The following RASSF9 variants were observed in gnomAD, a reference collection of about 807,000 sequenced individuals.
RASSF9 encodes the protein Ras association domain family member 9.
Under a neutral mutation model 21.4 loss-of-function variants are expected in RASSF9, and 18 were observed. The ratio of observed to expected loss-of-function variants is 0.84; its 90% confidence interval spans 0.58 to 1.25. RASSF9 has a LOEUF of 1.25. Ranked by LOEUF, RASSF9 falls within the 50% of genes most tolerant of loss-of-function variation. The probability of loss-of-function intolerance (pLI) is 0.00; values close to 1 mark genes in which losing one functional copy is unlikely to be tolerated. For synonymous variants in RASSF9, 183 were observed against 179.1 expected (o/e 1.02, Z -0.18); for missense variants, 480 against 503.2 (o/e 0.95, Z 0.44).
rs1157479284 is a variant in RASSF9, at chr12:85,830,775, A to G, written c.47+5380T>C. 2.6e-5 allele frequency among the ~76,000 whole-genome samples: 4 copies of G among 152,114 alleles called. No individual in the cohort carries two copies. The East Asian group carries it at 7.7e-4, about 29-fold the overall frequency. ...ACTTGCATAAATACTTTGTACTTGT[A>G]TGATCATTTATATTAGTAATCACTT... On this transcript the variant is annotated intron_variant, in intron 1 of 1. Transcript: ENST00000361228.
At chr12:85,826,835 G>A (rs1880345437) in intron 1 of RASSF9, among the ~76,000 whole-genome samples, 1 of 151,908 alleles carries the variant, frequency 6.6e-6, no homozygotes, top group East Asian at 1.9e-4. Context: ...GCCCTTCAAT[G>A]GTTCCCACCA....
At chr12:85,809,023 T>A (rs1879893875) in intron 1 of RASSF9, among the ~76,000 whole-genome samples, 1 of 152,124 alleles carries the variant, frequency 6.6e-6, no homozygotes. Flanking sequence ...TGTTCGAATC[T>A]CTTGCATGTA....
chr12:85,826,309 C>A (rs1181832916), intron 1 of RASSF9, among the ~76,000 whole-genome samples: 1 of 152,106 alleles, frequency 6.6e-6, no homozygotes, highest in African/African-American at 2.4e-5. Flanking sequence ...CTGATATTGG[C>A]CCCATGCACT....
At chr12:85,825,066 G>A (rs190193178) in intron 1 of RASSF9, among the ~76,000 whole-genome samples, 114 of 152,172 alleles carry the variant, frequency 7.5e-4, no homozygotes, top group Admixed American at 2.7e-3. Flanking sequence ...ACAGTGGTGC[G>A]ATCTCGGCTC....
intron 1 of RASSF9, among the ~76,000 whole-genome samples, chr12:85,807,387 GT>G (rs577980976): frequency 3.3e-5 from 5 of 149,874 alleles, no homozygotes; most frequent in Non-Finnish European, 7.4e-5. Context: ...CAAAGAAAGT[GT>G]TAGCTAACAC....
chr12:85,812,146 A>G (rs1158313549), intron 1 of RASSF9, among the ~76,000 whole-genome samples: 1 of 151,788 alleles, frequency 6.6e-6, no homozygotes, highest in Admixed American at 6.6e-5. Context: ...AATTCAAAAC[A>G]TCATTCAAAA....
At chr12:85,835,364 A>G (rs1299116516) in intron 1 of RASSF9, among the ~76,000 whole-genome samples, 1 of 152,170 alleles carries the variant, frequency 6.6e-6, no homozygotes, top group East Asian at 1.9e-4. Context: ...GTGTAAATAA[A>G]ATATTTAATA....
intron 1 of RASSF9, among the ~76,000 whole-genome samples, chr12:85,825,894 G>T (rs1880323297): frequency 1.3e-5 from 2 of 151,930 alleles, no homozygotes; most frequent in South Asian, 2.1e-4. Flanking sequence ...TCATTAAAAG[G>T]GTGACTGCCT....
At chr12:85,823,303 C>T (rs1208550854) in intron 1 of RASSF9, among the ~76,000 whole-genome samples, 1 of 152,122 alleles carries the variant, frequency 6.6e-6, no homozygotes, top group East Asian at 1.9e-4. Flanking sequence ...CCAATAGCCA[C>T]TTGCAGAACT....
At chr12:85,832,088 T>C (rs1241712024) in intron 1 of RASSF9, among the ~76,000 whole-genome samples, 9 of 151,910 alleles carry the variant, frequency 5.9e-5, no homozygotes, top group Non-Finnish European at 1.0e-4. Flanking sequence ...ATCAGTACGT[T>C]TTGTGAAAGC....
intron 1 of RASSF9, among the ~76,000 whole-genome samples, chr12:85,813,076 T>TA (rs1565753234): frequency 6.6e-6 from 1 of 151,890 alleles, no homozygotes; most frequent in African/African-American, 2.4e-5. Context: ...ACTGAAAAGA[T>TA]AGATATATAC....
chr12:85,825,630 A>T (rs1451198495), intron 1 of RASSF9, among the ~76,000 whole-genome samples: 4 of 152,216 alleles, frequency 2.6e-5, no homozygotes, highest in Non-Finnish European at 5.9e-5. Flanking sequence ...TTACACAAAA[A>T]GTTTGACAAC....
At chr12:85,806,421 C>T (rs2136549803) in intron 1 of RASSF9, among the ~76,000 whole-genome samples, 1 of 149,744 alleles carries the variant, frequency 6.7e-6, no homozygotes, top group South Asian at 2.1e-4. Flanking sequence ...GCCTGTAATC[C>T]CAGCACTTTC....
chr12:85,829,187 T>A (rs1311760471), intron 1 of RASSF9, among the ~76,000 whole-genome samples: 4 of 152,100 alleles, frequency 2.6e-5, no homozygotes, highest in African/African-American at 9.7e-5. Flanking sequence ...ACAATAAACA[T>A]GCACCAGAGG....
chr12:85,801,096 T>G lies in RASSF9; in HGVS notation c.*3606A>C, dbSNP rs1879688862. 1 of 152,102 alleles carries G rather than the reference T, an allele frequency of 6.6e-6. No individual in the cohort carries two copies. The highest frequency in any genetic ancestry group is 2.1e-4 in the South Asian group (1 of 4,830). 9.4% of individuals were successfully genotyped at this position (152,102 alleles called of 1,614,324 possible). ...ATATTTTAAAGTTACTTTCTGTGTC[T>G]ACCATTTAAAACCCAACTCTAAAAT... On this transcript the variant is annotated 3_prime_UTR_variant, in exon 2 of 2. Coordinates refer to ENST00000361228, the MANE Select transcript of RASSF9 (RefSeq NM_005447.4).
At chr12:85,809,147 T>C (rs1035230249) in intron 1 of RASSF9, among the ~76,000 whole-genome samples, 4 of 152,160 alleles carry the variant, frequency 2.6e-5, no homozygotes, top group African/African-American at 9.7e-5. Context: ...GGTCACACAG[T>C]GAGTGGTACA....
rs2136548104 is a variant in RASSF9 at position 85,804,536 on chromosome 12, C to T, written c.*166G>A. The T allele has an allele frequency of 1.5e-6, 1 of 671,218 alleles. No homozygotes were observed. The highest frequency in any genetic ancestry group is 4.3e-5 in the South Asian group (1 of 23,012). 41.6% of individuals were successfully genotyped at this position (671,218 alleles called of 1,614,324 possible). On this transcript the variant is annotated 3_prime_UTR_variant, in exon 2 of 2. Coordinates refer to ENST00000361228, the MANE Select transcript of RASSF9 (RefSeq NM_005447.4). ...CTTGAACTTGCAATAATTAAAGTTCCTTTGGAAATTTCACATCAGAAACAA... is the reference window on the plus strand; with the variant it reads ...CTTGAACTTGCAATAATTAAAGTTCTTTTGGAAATTTCACATCAGAAACAA...
At chr12:85,813,425 C>A (rs948906284) in intron 1 of RASSF9, among the ~76,000 whole-genome samples, 2 of 151,784 alleles carry the variant, frequency 1.3e-5, no homozygotes, top group Admixed American at 1.3e-4. Context: ...ATTGACTAAG[C>A]ACAAAGCATC....
intron 1 of RASSF9, among the ~76,000 whole-genome samples, chr12:85,835,944 C>A (rs1349060): frequency 6.6e-6 from 1 of 151,944 alleles, no homozygotes; most frequent in African/African-American, 2.4e-5. Context: ...GCTGGTCACT[C>A]CCATCATCAA....
Sources: allele counts gnomAD v4.1 joint callset (sites outside exome capture counted in the v4.1 genomes callset), GRCh38; gene constraint gnomAD v4.1.1; transcripts MANE v1.5; gene names NCBI Gene and HGNC (gene_info 2026-07-23, HGNC 2026-07-21).